The following ERAP1 variants were observed in gnomAD, a reference collection of about 807,000 sequenced individuals.
ERAP1 encodes endoplasmic reticulum aminopeptidase 1, also known as adipocyte-derived leucine aminopeptidase.
In ERAP1, 86 loss-of-function variants were observed where a neutral mutation model predicts 103.7. The ratio of observed to expected loss-of-function variants is 0.83; its 90% CI spans 0.70 to 0.99. ERAP1 has a LOEUF of 0.99. Among genes scored for constraint, ERAP1 ranks in the 50% least tolerant of loss-of-function variants. ERAP1 has a pLI of 0.00. For missense variants in ERAP1, 1,009 were observed against 1,128.4 expected, an observed-to-expected ratio of 0.89 and a Z score of 1.52; for synonymous variants, 398 against 402.4, an observed-to-expected ratio of 0.99 and a Z score of 0.13.
the ERAP1 span, among the ~76,000 whole-genome samples, chr5:96,893,241 A>G: frequency 6.6e-6 from 1 of 152,206 alleles, no homozygotes; most frequent in Non-Finnish European, 1.5e-5. Flanking sequence ...ACTCTCAGTA[A>G]TGCAGTAAAT....
the ERAP1 span, among the ~76,000 whole-genome samples, chr5:96,899,446 A>T: frequency 6.6e-6 from 1 of 152,342 alleles, no homozygotes; most frequent in African/African-American, 2.4e-5. Context: ...GCAACTTGAG[A>T]ATGAGAAGAA....
intron 8 of ERAP1, 63 bp from the exon 9 acceptor site, chr5:96,790,706 T>A: frequency 6.8e-7 from 1 of 1,466,854 alleles, no homozygotes; most frequent in Non-Finnish European, 9.5e-7. Flanking sequence ...TGAAATCACA[T>A]ATTCTTTTGC....
At chr5:96,902,287 A>G in the ERAP1 span, 2 of 1,608,062 alleles carry the variant, frequency 1.2e-6, no homozygotes, top group Non-Finnish European at 8.5e-7. Flanking sequence ...CCTGTGGCAT[A>G]TCCCATTGAC....
chr5:96,926,991 A>G, the ERAP1 span, among the ~76,000 whole-genome samples: 1 of 151,686 alleles, frequency 6.6e-6, no homozygotes, highest in African/African-American at 2.4e-5. Flanking sequence ...TAATTTTTTT[A>G]TTTTTCATAG....
At chr5:96,873,515 C>T in the ERAP1 span, 1 of 455,214 alleles carries the variant, frequency 2.2e-6, no homozygotes. Context: ...TGGCATTTAC[C>T]TTGTGGTAGG....
the ERAP1 span, among the ~76,000 whole-genome samples, chr5:96,830,524 C>CT: frequency 6.6e-6 from 1 of 152,124 alleles, no homozygotes; most frequent in Non-Finnish European, 1.5e-5. Flanking sequence ...TGATTGGACA[C>CT]TATAGAGCAG....
the ERAP1 span, chr5:96,880,207 T>C: frequency 2.5e-6 from 4 of 1,614,100 alleles, no homozygotes; most frequent in African/African-American, 2.7e-5. Context: ...AGTTAGGTGA[T>C]GGCTTTGAAG....
At chr5:96,887,141 T>C in the ERAP1 span, among the ~76,000 whole-genome samples, 1 of 149,006 alleles carries the variant, frequency 6.7e-6, no homozygotes, top group East Asian at 2.0e-4. Flanking sequence ...ATATATACCC[T>C]TTGCAAAATA....
chr5:96,902,716 C>A, the ERAP1 span: 1 of 178,066 alleles, frequency 5.6e-6, no homozygotes, highest in South Asian at 1.3e-4. Flanking sequence ...GGATTCAAGT[C>A]CTCACTCTCT....
At chr5:96,799,971 G>A (rs942840382) in intron 3 of ERAP1, among the ~76,000 whole-genome samples, 3 of 152,186 alleles carry the variant, frequency 2.0e-5, no homozygotes, top group Admixed American at 6.5e-5. Context: ...CCACACTAGA[G>A]GTTGGTCTGT....
At chr5:96,837,631 C>G in the ERAP1 span, among the ~76,000 whole-genome samples, 2 of 152,150 alleles carry the variant, frequency 1.3e-5, no homozygotes, top group African/African-American at 4.8e-5. Flanking sequence ...ACTCCTGAAG[C>G]CCCAGAAGGA....
the ERAP1 span, among the ~76,000 whole-genome samples, chr5:96,931,848 A>C: frequency 6.6e-6 from 1 of 152,076 alleles, no homozygotes; most frequent in East Asian, 1.9e-4. Context: ...GGAGAGAGAG[A>C]AGTTGGGCTC....
the ERAP1 span, chr5:96,935,662 C>G: frequency 6.4e-6 from 1 of 156,150 alleles, no homozygotes; most frequent in Non-Finnish European, 1.4e-5. Flanking sequence ...GGGGCACTGA[C>G]TTTACACTCG....
At chr5:96,878,036 G>A in the ERAP1 span, among the ~76,000 whole-genome samples, 1 of 152,336 alleles carries the variant, frequency 6.6e-6, no homozygotes. Flanking sequence ...AAGGAAGTAA[G>A]TAGAGGCAGG....
the ERAP1 span, among the ~76,000 whole-genome samples, chr5:96,835,017 C>G: frequency 7.8e-4 from 119 of 152,316 alleles, 2 homozygotes; most frequent in South Asian, 0.022. Flanking sequence ...GGATGAGGGC[C>G]TTTAGTATTT....
At chr5:96,856,349 A>AAAATATATAT in the ERAP1 span, among the ~76,000 whole-genome samples, 1 of 8,538 alleles carries the variant, frequency 1.2e-4, no homozygotes, top group African/African-American at 3.6e-4. Context: ...AAAAAAAAAA[A>AAAATATATAT]ATATATATAT....
chr5:96,813,185 G>T, the ERAP1 span, among the ~76,000 whole-genome samples: 8 of 152,278 alleles, frequency 5.3e-5, no homozygotes, highest in South Asian at 6.2e-4. Flanking sequence ...TTACAAAGCT[G>T]TCTAAAGGAT....
chr5:96,909,895 T>G, the ERAP1 span: 3 of 837,010 alleles, frequency 3.6e-6, no homozygotes, highest in African/African-American at 3.5e-5. Flanking sequence ...TTACAAACCC[T>G]GTTTCATGCT....
intron 19 of ERAP1, chr5:96,766,039 C>G (rs767181091): frequency 7.1e-7 from 1 of 1,398,700 alleles, no homozygotes; most frequent in Non-Finnish European, 1.0e-6. Context: ...TCTATCTGCT[C>G]ACTGTTGATA....
Sources: allele counts gnomAD v4.1 joint callset (sites outside exome capture counted in the v4.1 genomes callset), GRCh38; gene constraint gnomAD v4.1.1; transcripts MANE v1.5; gene names NCBI Gene and HGNC (gene_info 2026-07-23, HGNC 2026-07-21).